Variants in MSRA observed in about 807,000 individuals in gnomAD.
MSRA encodes mitochondrial peptide methionine sulfoxide reductase.
In MSRA, 54 loss-of-function variants were observed where a neutral mutation model predicts 31.3. The ratio of observed to expected loss-of-function variants is 1.73; its 90% CI spans 1.39 to 2.17. The LOEUF (loss-of-function observed/expected upper bound fraction) is 2.17. MSRA is among the 30% of genes most tolerant of loss of function. The pLI is 0.00. For synonymous variants in MSRA, 169 were observed against 116.5 expected, an observed-to-expected ratio of 1.45 and a Z score of -2.90; for missense variants, 507 against 300.9, an observed-to-expected ratio of 1.69 and a Z score of -5.07.
In MSRA at chr8:10,219,805, C is replaced by CAAAAAAAAAAAAAAAAAAAAAAAAAAAA. The variant is rs202000887; in HGVS notation, c.211+11904_211+11905insAAAAAAAAAAAAAAAAAAAAAAAAAAAA. 1.3e-4 allele frequency among the ~76,000 whole-genome samples: 6 copies of CAAAAAAAAAAAAAAAAAAAAAAAAAAAA among 46,070 alleles called. 3 individuals are homozygous for CAAAAAAAAAAAAAAAAAAAAAAAAAAAA. The highest frequency in any genetic ancestry group is 1.0e-3 in the African/African-American group (6 of 5,996). 30.2% of individuals were successfully genotyped at this position (46,070 alleles called of 152,430 possible). On this transcript the variant is annotated intron_variant, in intron 2 of 5. Coordinates refer to ENST00000317173, the MANE Select transcript of MSRA (RefSeq NM_012331.5). Reference sequence around the variant, plus strand: ...TGGACGACAGATCGAGACTCTGTCTCCAAAAAAAAAAAAAAAAAAAAAAGA... The same window carrying CAAAAAAAAAAAAAAAAAAAAAAAAAAAA: ...TGGACGACAGATCGAGACTCTGTCTCAAAAAAAAAAAAAAAAAAAAAAAAAAAACAAAAAAAAAAAAAAAAAAAAAAGA...
At chr8:10,137,434 A>G (rs1292503987) in intron 1 of MSRA, among the ~76,000 whole-genome samples, 1 of 152,182 alleles carries the variant, frequency 6.6e-6, no homozygotes, top group African/African-American at 2.4e-5. Flanking sequence ...TGCCTCAAAT[A>G]TACACCTGGA....
intron 1 of MSRA, among the ~76,000 whole-genome samples, chr8:10,065,359 C>T (rs1250082523): frequency 6.6e-6 from 1 of 152,192 alleles, no homozygotes; most frequent in Non-Finnish European, 1.5e-5. Flanking sequence ...GTTTCAGGAG[C>T]CCACTCTAGA....
intron 1 of MSRA, among the ~76,000 whole-genome samples, chr8:10,179,696 C>T (rs1048588647): frequency 6.6e-6 from 1 of 152,136 alleles, no homozygotes; most frequent in African/African-American, 2.4e-5. Context: ...GGTTTATGTT[C>T]CAGTTCCAAA....
intron 1 of MSRA, among the ~76,000 whole-genome samples, chr8:10,104,064 A>C (rs1474175586): frequency 6.6e-6 from 1 of 152,114 alleles, no homozygotes; most frequent in Non-Finnish European, 1.5e-5. Context: ...CTCTATTGCT[A>C]ATGTGGGTAT....
intron 1 of MSRA, among the ~76,000 whole-genome samples, chr8:10,133,409 C>T (rs999040870): frequency 6.6e-6 from 1 of 152,188 alleles, no homozygotes; most frequent in African/African-American, 2.4e-5. Flanking sequence ...CACTGCTTGG[C>T]TAACGCCTCA....
At chr8:10,214,359 A>G (rs188100025) in intron 2 of MSRA, among the ~76,000 whole-genome samples, 337 of 152,172 alleles carry the variant, frequency 2.2e-3, no homozygotes, top group African/African-American at 7.7e-3. Context: ...ATCACAAGAA[A>G]TCGTTTCCTG....
At chr8:10,227,362 C>G (rs564695654) in intron 2 of MSRA, among the ~76,000 whole-genome samples, 12 of 152,220 alleles carry the variant, frequency 7.9e-5, no homozygotes, top group African/African-American at 2.9e-4. Context: ...CTTTCAAGCT[C>G]TCATTAGATC....
At chr8:10,289,441 G>A (rs189258164) in intron 3 of MSRA, among the ~76,000 whole-genome samples, 1 of 152,142 alleles carries the variant, frequency 6.6e-6, no homozygotes, top group African/African-American at 2.4e-5. Flanking sequence ...TTTGATACAG[G>A]ATGCAGTGTG....
chr8:10,213,699 G>A (rs1162061971), intron 2 of MSRA, among the ~76,000 whole-genome samples: 1 of 151,486 alleles, frequency 6.6e-6, no homozygotes, highest in Non-Finnish European at 1.5e-5. Context: ...GCCTCCCCAG[G>A]TACCACATTT....
intron 1 of MSRA, among the ~76,000 whole-genome samples, chr8:10,068,844 G>A (rs1797592466): frequency 6.6e-6 from 1 of 152,100 alleles, no homozygotes; most frequent in African/African-American, 2.4e-5. Context: ...TGCAATGATA[G>A]GGTTGCACTG....
chr8:10,391,913 C>T (rs1806774220), intron 5 of MSRA, among the ~76,000 whole-genome samples: 1 of 152,200 alleles, frequency 6.6e-6, no homozygotes, highest in Non-Finnish European at 1.5e-5. Flanking sequence ...ATTTCCTGAC[C>T]TATGGAAGTG....
At chr8:10,200,267 T>G (rs987179623) in intron 1 of MSRA, among the ~76,000 whole-genome samples, 3 of 152,178 alleles carry the variant, frequency 2.0e-5, no homozygotes, top group African/African-American at 7.2e-5. Flanking sequence ...GACACCTGAT[T>G]TGTTTTTCGT....
chr8:10,061,509 T>C (rs763490997), intron 1 of MSRA, among the ~76,000 whole-genome samples: 49 of 152,232 alleles, frequency 3.2e-4, no homozygotes, highest in Non-Finnish European at 6.2e-4. Context: ...GCTAATTAGA[T>C]GTCTTATTGC....
chr8:10,408,136 G>A (rs1398224608), intron 5 of MSRA, among the ~76,000 whole-genome samples: 3 of 152,190 alleles, frequency 2.0e-5, no homozygotes, highest in African/African-American at 7.2e-5. Context: ...TGGAAACAGA[G>A]GCCAGGGAGA....
chr8:10,404,649 C>T (rs1469817672), intron 5 of MSRA, among the ~76,000 whole-genome samples: 1 of 152,248 alleles, frequency 6.6e-6, no homozygotes, highest in Non-Finnish European at 1.5e-5. Flanking sequence ...TGTGCTGCCG[C>T]GCCGCCCTCC....
At chr8:10,311,037 T>C (rs1801405937) in intron 4 of MSRA, among the ~76,000 whole-genome samples, 2 of 152,280 alleles carry the variant, frequency 1.3e-5, no homozygotes, top group African/African-American at 4.8e-5. Context: ...TGAAATGGTA[T>C]GAAATCACTA....
At chr8:10,080,948 C>T (rs1047788180) in intron 1 of MSRA, among the ~76,000 whole-genome samples, 1 of 152,196 alleles carries the variant, frequency 6.6e-6, no homozygotes, top group African/African-American at 2.4e-5. Context: ...GGCTGTTGGG[C>T]AAGGCATAGT....
chr8:10,091,327 A>C (rs947391135), intron 1 of MSRA, among the ~76,000 whole-genome samples: 4 of 152,252 alleles, frequency 2.6e-5, no homozygotes, highest in African/African-American at 9.6e-5. Flanking sequence ...ATATGTATAC[A>C]TTATAGAATA....
intron 5 of MSRA, among the ~76,000 whole-genome samples, chr8:10,393,571 C>G (rs1275373451): frequency 1.3e-5 from 2 of 152,158 alleles, no homozygotes; most frequent in Non-Finnish European, 2.9e-5. Flanking sequence ...GGACGGCTGC[C>G]TGGCAGCCAT....
Sources: allele counts gnomAD v4.1 joint callset (sites outside exome capture counted in the v4.1 genomes callset), GRCh38; gene constraint gnomAD v4.1.1; transcripts MANE v1.5; gene names NCBI Gene and HGNC (gene_info 2026-07-23, HGNC 2026-07-21).